ZNF608: variants seen among roughly 807,000 people sequenced by gnomAD.
ZNF608 encodes the protein renal carcinoma antigen NY-REN-36.
ZNF608 carries 12 observed loss-of-function variants against 109.0 expected under a neutral mutation model. The ratio of observed to expected loss-of-function variants is 0.11; its 90% confidence interval spans 0.07 to 0.18. The LOEUF is 0.18. Among genes scored for constraint, ZNF608 ranks in the 10% least tolerant of loss-of-function variants. The pLI is 1.00. For synonymous variants in ZNF608, 732 were observed against 717.4 expected, an observed-to-expected ratio of 1.02 and a Z score of -0.33; for missense variants, 1,707 against 1,879.3, an observed-to-expected ratio of 0.91 and a Z score of 1.70.
In ZNF608 at chr5:124,701,020, C is replaced by T; in HGVS notation, c.1156G>A (p.Glu386Lys). 1 of 1,614,088 alleles carries T rather than the reference C, an allele frequency of 6.2e-7. No homozygotes were observed. The highest frequency in any genetic ancestry group is 1.6e-4 in the Middle Eastern group (1 of 6,062). ...NLEGIVWHET[E>K]EGVLVVNVTW... ...AAAAATAAATTGTATTTACCTTCTT[C>T]TGTTTCATGCCACACGATCCCTTCC... The change falls in exon 3 of 10, where the codon GAA becomes AAA. Residue 386 changes from glutamate to lysine, a missense_variant. Glu to Lys is a moderately conservative substitution (Grantham distance 56, BLOSUM62 1). Around this residue, in one of 7 missense-constraint regions of ZNF608, gnomAD observed 16 missense variants for 37.0 expected, o/e 0.43. Transcript: ENST00000513986.
intron 3 of ZNF608, among the ~76,000 whole-genome samples, chr5:124,699,746 T>C (rs1043897107): frequency 1.3e-5 from 2 of 152,246 alleles, no homozygotes; most frequent in African/African-American, 4.8e-5. Context: ...CTTTTAAGAA[T>C]TATACTCAAC....
chr5:124,663,372 C>T (rs997691504), intron 3 of ZNF608, among the ~76,000 whole-genome samples: 7 of 152,200 alleles, frequency 4.6e-5, no homozygotes, highest in African/African-American at 1.7e-4. Context: ...GTCTGTTGCT[C>T]ACTGCAGTGG....
intron 8 of ZNF608, 73 bp downstream of exon 8, chr5:124,641,179 T>C (rs1485374586): frequency 3.8e-6 from 6 of 1,589,914 alleles, no homozygotes; most frequent in East Asian, 2.2e-5. Context: ...ATTTTTAAGA[T>C]GTGAAATGCA....
intron 2 of ZNF608, among the ~76,000 whole-genome samples, chr5:124,719,525 G>A (rs1753825740): frequency 6.6e-6 from 1 of 152,184 alleles, no homozygotes; most frequent in Admixed American, 6.5e-5. Flanking sequence ...AAATCAGCAT[G>A]GGGTGGTGGG....
chr5:124,705,301 A>G (rs1197589896), intron 2 of ZNF608, among the ~76,000 whole-genome samples: 1 of 152,190 alleles, frequency 6.6e-6, no homozygotes, highest in Non-Finnish European at 1.5e-5. Flanking sequence ...CTGTTAGCAG[A>G]CAGAATTGGG....
intron 2 of ZNF608, among the ~76,000 whole-genome samples, chr5:124,709,286 G>A (rs1360223386): frequency 6.6e-6 from 1 of 151,348 alleles, no homozygotes; most frequent in Non-Finnish European, 1.5e-5. Context: ...ATCCCTATAT[G>A]CAGGTCACAA....
Position 124,746,037 on chromosome 5 carries a change from C to T in ZNF608, c.-184+158G>A, listed in dbSNP as rs1433667657. The T allele has an allele frequency of 1.6e-5, 11 of 704,266 alleles. No individual in the cohort carries two copies. The East Asian group carries it at 4.0e-4, about 25-fold the overall frequency. 43.6% of individuals were successfully genotyped at this position (704,266 alleles called of 1,614,324 possible). ...TAAGACATACACTTTAAGTGATCTG[C>T]GCCAAGGTGGCCTCAATGACCGCAA... is the stretch of plus-strand genomic sequence containing the variant. On this transcript the variant is annotated intron_variant, in intron 1 of 9. Transcript: ENST00000513986.
chr5:124,655,282 G>C (rs1438250155), intron 3 of ZNF608, among the ~76,000 whole-genome samples: 1 of 152,130 alleles, frequency 6.6e-6, no homozygotes, highest in Non-Finnish European at 1.5e-5. Flanking sequence ...TCAAGAACGG[G>C]GCAAATGCCT....
chr5:124,657,207 A>G (rs1751049151), intron 3 of ZNF608, among the ~76,000 whole-genome samples: 1 of 152,278 alleles, frequency 6.6e-6, no homozygotes, highest in Admixed American at 6.5e-5. Context: ...TAAGACTTTT[A>G]TAAGGCACCA....
chr5:124,690,565 A>G (rs527814563), intron 3 of ZNF608, among the ~76,000 whole-genome samples: 64 of 152,290 alleles, frequency 4.2e-4, no homozygotes, highest in Middle Eastern at 3.4e-3. Context: ...AAGTGTATCC[A>G]GGTCGGACAC....
rs866494727 is a variant in ZNF608 at position 124,745,183 on chromosome 5, G to T, written c.-183-11C>A. ...CAGGTCCACCTTTTCCTGTGAAGGG[G>T]GGGGGAAAAGTCGAATATTTCTTGT... is the stretch of plus-strand genomic sequence containing the variant. On this transcript the variant is annotated splice_polypyrimidine_tract_variant and intron_variant, in intron 1 of 9. Transcript: ENST00000513986. The T allele has an allele frequency of 1.7e-5, 24 of 1,404,070 alleles. No individual in the cohort carries two copies. Among genetic ancestry groups the T allele is most frequent in the East Asian group, 5.2e-5 (2 of 38,422 alleles). 87.0% of individuals were successfully genotyped at this position (1,404,070 alleles called of 1,614,324 possible).
chr5:124,647,709 T>C lies in ZNF608; in HGVS notation c.2675A>G (p.Asn892Ser). The change falls in exon 5 of 10, where the codon AAC becomes AGC. Residue 892 changes from asparagine (N) to serine (S), a missense_variant. Coordinates refer to ENST00000513986, the MANE Select transcript of ZNF608 (RefSeq NM_020747.3). ...EADKVYTFTD[N>S]APSPSIGSAS... ...GCTCCCTATGGAAGGGCTGGGAGCG[T>C]TGTCTGTGAAAGTGTAAACCTTATC... 2 of 1,614,214 alleles carry C rather than the reference T, an allele frequency of 1.2e-6. No individual in the cohort carries two copies. The highest frequency in any genetic ancestry group is 1.7e-6 in the Non-Finnish European group (2 of 1,180,042).
At chr5:124,707,764 G>C (rs1042797712) in intron 2 of ZNF608, 1 of 152,174 alleles carries the variant, frequency 6.6e-6, no homozygotes, top group African/African-American at 2.4e-5. Context: ...CTTTAGCAAA[G>C]CAGGGGAAGC....
intron 3 of ZNF608, among the ~76,000 whole-genome samples, chr5:124,664,563 C>T (rs934346076): frequency 6.6e-6 from 1 of 152,076 alleles, no homozygotes; most frequent in East Asian, 1.9e-4. Flanking sequence ...TACAGCTTAT[C>T]TCATTCATTC....
chr5:124,682,635 A>G (rs1367447760), intron 3 of ZNF608, among the ~76,000 whole-genome samples: 1 of 152,258 alleles, frequency 6.6e-6, no homozygotes, highest in Non-Finnish European at 1.5e-5. Context: ...GTGTATTTCA[A>G]TACACCCAGA....
chr5:124,729,702 TG>T (rs1748801966), intron 2 of ZNF608, among the ~76,000 whole-genome samples: 2 of 152,346 alleles, frequency 1.3e-5, no homozygotes, highest in African/African-American at 2.4e-5. Flanking sequence ...TAGTGATCTG[TG>T]GTTACTTTTA....
At position 124,646,835 on chromosome 5, in the gene ZNF608, C is replaced by A. The variant is rs767622484; in HGVS notation, c.3549G>T (p.Ser1183=). The change falls in exon 5 of 10, where the codon TCG becomes TCT. Residue 1183 remains serine, a synonymous_variant. Coordinates refer to ENST00000513986, the MANE Select transcript of ZNF608 (RefSeq NM_020747.3). ...VPNKTEETGK[S]QLLSNHQQQL... The stretch of plus-strand genomic sequence containing the variant: ...GCTGCTGGTGATTGGAGAGAAGCTG[C>A]GATTTACCTGTCTCCTCAGTTTTAT... 6.2e-7 allele frequency: 1 copy of A among 1,614,204 alleles called. No homozygotes were observed. Among genetic ancestry groups the A allele is most frequent in the Non-Finnish European group, 8.5e-7 (1 of 1,180,038 alleles).
chr5:124,680,361 A>G lies in ZNF608; in HGVS notation c.1162+20653T>C, dbSNP rs1426739539. Among the ~76,000 whole-genome samples the G allele has an allele frequency of 2.0e-5, 3 of 149,766 alleles. No homozygotes were observed. In the East Asian group the frequency reaches 5.8e-4, roughly 29 times the overall value. ...GATATTATGGCCACAAAAAAAAAAA[A>G]GGAAGATTTAAGTCATAGTTTATAA... On this transcript the variant is annotated intron_variant, in intron 3 of 9. Coordinates refer to ENST00000513986, the MANE Select transcript of ZNF608 (RefSeq NM_020747.3).
At chr5:124,740,369 C>T (rs770091767) in intron 2 of ZNF608, among the ~76,000 whole-genome samples, 1 of 152,114 alleles carries the variant, frequency 6.6e-6, no homozygotes, top group African/African-American at 2.4e-5. Flanking sequence ...AACAGCTAAA[C>T]CTCTTATGTA....
Sources: gnomAD v4.1 joint callset for allele counts (sites outside exome capture counted in the v4.1 genomes callset) on GRCh38, gnomAD v4.1.1 for gene constraint, gnomAD v4.1.1 regional missense constraint, MANE v1.5 for transcripts, NCBI Gene and HGNC (gene_info 2026-07-23, HGNC 2026-07-21) for gene names.